Variants in CMTM4 observed in about 807,000 individuals in gnomAD.
CMTM4 encodes the protein CKLF-like MARVEL transmembrane domain-containing protein 4.
A neutral mutation model predicts 19.0 loss-of-function variants in CMTM4; 8 were observed. That is an observed-to-expected ratio of 0.42 (90% confidence interval 0.25 to 0.76). The LOEUF is 0.76. Ranked by LOEUF, CMTM4 falls within the 30% of genes least tolerant of loss-of-function variation. The pLI is 0.27. For missense variants in CMTM4, 228 were observed against 290.2 expected (o/e 0.79, Z 1.56); for synonymous variants, 106 against 121.1 (o/e 0.88, Z 0.82).
intron 2 of CMTM4, among the ~76,000 whole-genome samples, chr16:66,629,233 T>C (rs2015802439): frequency 1.3e-5 from 2 of 152,184 alleles, no homozygotes; most frequent in South Asian, 4.2e-4. Context: ...ATGTGCTAGG[T>C]GGCTGGCTCT....
In CMTM4 at chr16:66,620,585, C is replaced by T. The variant is rs2015613325; in HGVS notation, c.*1473G>A. The T allele has an allele frequency of 4.1e-6, 4 of 985,532 alleles. No homozygotes were observed. The highest frequency in any genetic ancestry group is 4.7e-5 in the South Asian group (1 of 21,288). 61.0% of individuals were successfully genotyped at this position (985,532 alleles called of 1,614,324 possible). On this transcript the variant is annotated 3_prime_UTR_variant, in exon 4 of 4. Coordinates refer to ENST00000394106, the MANE Select transcript of CMTM4 (RefSeq NM_181521.3). ...ACGCTTTCTTGCACAGACCCCCCGC[C>T]GCCCCCTCGGAGTTATTTATTACAC...
chr16:66,662,897 C>T (rs1375560063), intron 1 of CMTM4, among the ~76,000 whole-genome samples: 2 of 152,174 alleles, frequency 1.3e-5, no homozygotes, highest in Non-Finnish European at 2.9e-5. Flanking sequence ...CTCCTGAGCT[C>T]ACCCAAAGTT....
Position 66,616,212 on chromosome 16 carries a change from C to A in CMTM4, c.*5846G>T, listed in dbSNP as rs1337724722. The A allele has an allele frequency of 6.6e-6, 1 of 151,988 alleles. No homozygotes were observed. The highest frequency in any genetic ancestry group is 1.5e-5 in the Non-Finnish European group (1 of 68,004). 9.4% of individuals were successfully genotyped at this position (151,988 alleles called of 1,614,324 possible). A position where few individuals can be genotyped will look rare whatever the true frequency, so the allele number is the denominator to read the frequency against. On this transcript the variant is annotated 3_prime_UTR_variant, in exon 4 of 4. Transcript: ENST00000394106. ...TCCAATTCCATGATTGACAAGAGTGCTTATGCGACGCATGGAAGGCACCAG... is the reference window on the plus strand; with the variant it reads ...TCCAATTCCATGATTGACAAGAGTGATTATGCGACGCATGGAAGGCACCAG...
intron 1 of CMTM4, among the ~76,000 whole-genome samples, chr16:66,660,928 C>T (rs186298103): frequency 1.3e-5 from 2 of 152,226 alleles, no homozygotes; most frequent in Admixed American, 6.5e-5. Context: ...TCTCCGGAAT[C>T]GCGTCTAGCT....
chr16:66,666,752 G>C (rs924393028), intron 1 of CMTM4, among the ~76,000 whole-genome samples: 1 of 152,188 alleles, frequency 6.6e-6, no homozygotes, highest in African/African-American at 2.4e-5. Context: ...AAAAGAATGA[G>C]ATCATGCCCT....
intron 2 of CMTM4, among the ~76,000 whole-genome samples, chr16:66,626,605 C>A (rs1460735975): frequency 1.4e-5 from 2 of 145,548 alleles, no homozygotes; most frequent in Non-Finnish European, 1.5e-5. Flanking sequence ...GACTCCCTCT[C>A]AAAAAAAAAA....
chr16:66,656,403 G>A (rs1007836505), intron 1 of CMTM4, among the ~76,000 whole-genome samples: 7 of 152,060 alleles, frequency 4.6e-5, no homozygotes, highest in African/African-American at 1.7e-4. Flanking sequence ...TCACTCTGTT[G>A]TCCAGCCTGG....
chr16:66,636,708 CA>C (rs1323380471), intron 1 of CMTM4, 127 bp from the exon 2 acceptor site: 2 of 731,684 alleles, frequency 2.7e-6, no homozygotes, highest in Non-Finnish European at 4.5e-6. Context: ...TCTGGGACAG[CA>C]GTGTAACTGT....
At chr16:66,690,502 G>A (rs1252991884) in intron 1 of CMTM4, among the ~76,000 whole-genome samples, 1 of 152,130 alleles carries the variant, frequency 6.6e-6, no homozygotes, top group Non-Finnish European at 1.5e-5. Context: ...TTTCTATAAT[G>A]TATTACTGCC....
intron 1 of CMTM4, among the ~76,000 whole-genome samples, chr16:66,657,340 C>T (rs2016417354): frequency 6.6e-6 from 1 of 152,140 alleles, no homozygotes; most frequent in South Asian, 2.1e-4. Context: ...ATCTGCCTGC[C>T]TTGGTCTCCC....
At chr16:66,658,401 CCTGTTCATTTATCAAAGTCATGCTCCTAA>C (rs2077248035) in intron 1 of CMTM4, among the ~76,000 whole-genome samples, 1 of 152,108 alleles carries the variant, frequency 6.6e-6, no homozygotes, top group Non-Finnish European at 1.5e-5. Context: ...TCTTTTTCTG[CCTGTTCATTTATCAAAGTCATGCTCCTAA>C]CTCCCATTCG....
chr16:66,654,034 C>G (rs746757496), intron 1 of CMTM4, among the ~76,000 whole-genome samples: 3 of 152,116 alleles, frequency 2.0e-5, no homozygotes, highest in Non-Finnish European at 4.4e-5. Context: ...AGCCACTGCA[C>G]CCAGCCAGTT....
chr16:66,645,530 T>C (rs1286437204), intron 1 of CMTM4, among the ~76,000 whole-genome samples: 5 of 151,962 alleles, frequency 3.3e-5, no homozygotes, highest in East Asian at 1.9e-4. Context: ...TGAGCCAAGA[T>C]TGCGCCACTG....
rs543255873 is a variant in CMTM4 at position 66,636,643 on chromosome 16, G to A, written c.187-62C>T. ...GTTTAGTATACATCTGCGGACATACGTACCTGCCATGCTTATATAACACTG... is the reference window on the plus strand; with the variant it reads ...GTTTAGTATACATCTGCGGACATACATACCTGCCATGCTTATATAACACTG... On this transcript the variant is annotated intron_variant, in intron 1 of 3. Coordinates refer to ENST00000394106, the MANE Select transcript of CMTM4 (RefSeq NM_181521.3). The A allele has an allele frequency of 4.0e-5, 54 of 1,335,594 alleles. No homozygotes were observed. In the South Asian group the frequency reaches 5.2e-4, roughly 13 times the overall value. 82.7% of individuals were successfully genotyped at this position (1,335,594 alleles called of 1,614,324 possible).
chr16:66,635,707 T>C (rs956997881), intron 2 of CMTM4, among the ~76,000 whole-genome samples: 5 of 152,166 alleles, frequency 3.3e-5, no homozygotes, highest in African/African-American at 4.8e-5. Flanking sequence ...CCTGACTGAC[T>C]CCCTTTGAGC....
chr16:66,653,382 C>G (rs1003075252), intron 1 of CMTM4, among the ~76,000 whole-genome samples: 2 of 151,458 alleles, frequency 1.3e-5, no homozygotes, highest in African/African-American at 4.9e-5. Flanking sequence ...GGCAACCCCC[C>G]AGGACCTCTA....
At chr16:66,601,032 A>T in the CMTM4 span, among the ~76,000 whole-genome samples, 7 of 151,762 alleles carry the variant, frequency 4.6e-5, no homozygotes, top group South Asian at 1.5e-3. Context: ...GCAAAGAGTT[A>T]TATTTTCCTT....
At chr16:66,672,787 TG>T (rs1011004366) in intron 1 of CMTM4, among the ~76,000 whole-genome samples, 6 of 146,328 alleles carry the variant, frequency 4.1e-5, no homozygotes, top group African/African-American at 1.5e-4. Flanking sequence ...TTTTTTGTTT[TG>T]TTTTTTTTTT....
rs1054829426 is a variant in CMTM4, at chr16:66,651,500, A to G, written c.187-14919T>C. On this transcript the variant is annotated intron_variant, in intron 1 of 3. Coordinates refer to ENST00000394106, the MANE Select transcript of CMTM4 (RefSeq NM_181521.3). The stretch of plus-strand genomic sequence containing the variant: ...AAACATCTCTGATCCTCACACCCCG[A>G]CTCAGGAAGCAGGCAGCACCTCCAT... Among the ~76,000 whole-genome samples the G allele has an allele frequency of 6.6e-5, 10 of 152,174 alleles. No individual in the cohort carries two copies. In the South Asian group the frequency reaches 1.2e-3, roughly 19 times the overall value.
Sources: allele counts gnomAD v4.1 joint callset (sites outside exome capture counted in the v4.1 genomes callset), GRCh38; gene constraint gnomAD v4.1.1; transcripts MANE v1.5; gene names NCBI Gene and HGNC (gene_info 2026-07-23, HGNC 2026-07-21).